Variants in ROBO2 observed in about 807,000 individuals in gnomAD.
The protein encoded by ROBO2 is roundabout guidance receptor 2.
A neutral mutation model predicts 160.8 loss-of-function variants in ROBO2; 53 were observed. The ratio of observed to expected loss-of-function variants is 0.33; its 90% CI spans 0.26 to 0.41. ROBO2 has a LOEUF of 0.41. Among genes scored for constraint, ROBO2 ranks in the 10% least tolerant of loss-of-function variants. ROBO2 has a pLI of 1.00. For missense variants in ROBO2, 1,577 were observed against 1,722.4 expected (o/e 0.92, Z 1.49); for synonymous variants, 664 against 611.7 (o/e 1.09, Z -1.26).
At chr3:76,872,825 C>T (rs890631122) in intron 2 of ROBO2, among the ~76,000 whole-genome samples, 5 of 151,742 alleles carry the variant, frequency 3.3e-5, no homozygotes, top group African/African-American at 9.7e-5. Context: ...CTTTCTTTGG[C>T]ATCTGTCCAG....
At chr3:77,288,543 C>A (rs769976987) in intron 2 of ROBO2, among the ~76,000 whole-genome samples, 4 of 152,146 alleles carry the variant, frequency 2.6e-5, no homozygotes, top group Non-Finnish European at 4.4e-5. Flanking sequence ...ATTAACATGC[C>A]TGTTGTGCTG....
intron 6 of ROBO2, among the ~76,000 whole-genome samples, chr3:77,541,990 T>A (rs1052924032): frequency 1.3e-5 from 2 of 152,124 alleles, no homozygotes; most frequent in Non-Finnish European, 2.9e-5. Context: ...AGAAAATCTA[T>A]TTTATGTATA....
At chr3:76,634,936 G>A (rs983126142) in intron 2 of ROBO2, among the ~76,000 whole-genome samples, 13 of 152,248 alleles carry the variant, frequency 8.5e-5, no homozygotes, top group South Asian at 2.1e-4. Flanking sequence ...TGTGAATTGC[G>A]CATGCAAGGG....
chr3:76,875,071 G>T (rs1164570411), intron 2 of ROBO2, among the ~76,000 whole-genome samples: 2 of 152,112 alleles, frequency 1.3e-5, no homozygotes, highest in African/African-American at 4.8e-5. Context: ...GGCCATGATG[G>T]CTCCTCCCTC....
At chr3:77,334,737 T>TAG (rs1184248783) in intron 2 of ROBO2, among the ~76,000 whole-genome samples, 1 of 54,124 alleles carries the variant, frequency 1.8e-5, no homozygotes, top group Non-Finnish European at 9.9e-5. Flanking sequence ...TCAGGAACTG[T>TAG]ATATATATAT....
Position 77,317,083 on chromosome 3 carries a change from C to T in ROBO2, c.389-160331C>T, listed in dbSNP as rs62251221. Reference sequence around the variant, plus strand: ...AGTGTGAAGCTGGAATTCATCAGTCCTGTAGCCAACTGCAAAGTTGCTCTG... The same window carrying T: ...AGTGTGAAGCTGGAATTCATCAGTCTTGTAGCCAACTGCAAAGTTGCTCTG... On this transcript the variant is annotated intron_variant, in intron 2 of 25. Transcript: ENST00000461745. 6.6e-3 allele frequency: 9,095 copies of T among 1,383,622 alleles called. 119 individuals carry two copies. Among genetic ancestry groups the T allele is most frequent in the African/African-American group, 0.042 (2,978 of 70,646 alleles). 85.7% of individuals were successfully genotyped at this position (1,383,622 alleles called of 1,614,324 possible). A position where few individuals can be genotyped will look rare whatever the true frequency, so the allele number is the denominator to read the frequency against.
In ROBO2 at chr3:77,307,596, G is replaced by A. The variant is rs532064859; in HGVS notation, c.389-169818G>A. Among the ~76,000 whole-genome samples, 3 of 152,224 alleles carry A rather than the reference G, an allele frequency of 2.0e-5. No homozygotes were observed. In the South Asian group the frequency reaches 6.2e-4, roughly 32 times the overall value. On this transcript the variant is annotated intron_variant, in intron 2 of 25. Transcript: ENST00000461745. ...TATCAGGCTTTTTGAAAAAGCAGGG[G>A]TGGGGGCAAGGTGCGGTAGCTCACA... is the stretch of plus-strand genomic sequence containing the variant.
At chr3:77,005,302 A>G (rs2061526537) in intron 2 of ROBO2, among the ~76,000 whole-genome samples, 1 of 152,132 alleles carries the variant, frequency 6.6e-6, no homozygotes, top group Non-Finnish European at 1.5e-5. Flanking sequence ...AGGTCTTTAC[A>G]TTTGTAATGA....
intron 1 of ROBO2, among the ~76,000 whole-genome samples, chr3:77,071,149 T>C (rs12489703): frequency 0.34 from 51,541 of 152,056 alleles, 9,776 homozygotes; most frequent in East Asian, 0.77. Context: ...ACAGCTACTG[T>C]TAGCAGTTTT....
At chr3:77,216,401 C>A (rs540197251) in intron 2 of ROBO2, among the ~76,000 whole-genome samples, 3 of 152,140 alleles carry the variant, frequency 2.0e-5, no homozygotes, top group Non-Finnish European at 4.4e-5. Flanking sequence ...TCTCCTGGTG[C>A]GCCGTTTACT....
chr3:76,380,296 T>A (rs754697447), intron 2 of ROBO2, among the ~76,000 whole-genome samples: 1 of 152,194 alleles, frequency 6.6e-6, no homozygotes, highest in Non-Finnish European at 1.5e-5. Flanking sequence ...TCTACAAATA[T>A]TTATTGATAA....
intron 2 of ROBO2, among the ~76,000 whole-genome samples, chr3:77,321,613 A>G (rs1035859054): frequency 3.3e-5 from 5 of 152,192 alleles, no homozygotes; most frequent in African/African-American, 9.7e-5. Flanking sequence ...TTTAAGTATT[A>G]GAATTTAAAG....
At chr3:77,587,389 G>A (rs1301115885) in intron 16 of ROBO2, among the ~76,000 whole-genome samples, 3 of 152,072 alleles carry the variant, frequency 2.0e-5, no homozygotes, top group African/African-American at 4.8e-5. Flanking sequence ...GAAGAAAGGA[G>A]AAGCAGTGAG....
intron 21 of ROBO2, among the ~76,000 whole-genome samples, chr3:77,615,912 A>C (rs1306617243): frequency 6.6e-6 from 1 of 152,228 alleles, no homozygotes. Context: ...TGTAAGAGAG[A>C]TCAAGACTAG....
At chr3:76,938,026 G>A (rs1226721940) in intron 2 of ROBO2, among the ~76,000 whole-genome samples, 1 of 152,194 alleles carries the variant, frequency 6.6e-6, no homozygotes, top group East Asian at 1.9e-4. Flanking sequence ...GGAACTCATA[G>A]GTGGGAATTA....
At chr3:76,458,490 C>T (rs1318033962) in intron 2 of ROBO2, among the ~76,000 whole-genome samples, 1 of 152,108 alleles carries the variant, frequency 6.6e-6, no homozygotes, top group Non-Finnish European at 1.5e-5. Flanking sequence ...CGAAACTTTC[C>T]CACATTTTCC....
chr3:76,620,396 G>A (rs538545040), intron 2 of ROBO2, among the ~76,000 whole-genome samples: 1 of 152,176 alleles, frequency 6.6e-6, no homozygotes, highest in Non-Finnish European at 1.5e-5. Context: ...AAAATCATTC[G>A]TAAATAAAAG....
chr3:76,630,748 T>C (rs1448893695), intron 2 of ROBO2, among the ~76,000 whole-genome samples: 2 of 152,208 alleles, frequency 1.3e-5, no homozygotes, highest in African/African-American at 4.8e-5. Flanking sequence ...ATCAATATCT[T>C]TTAAAAAATA....
At chr3:76,103,144 C>T (rs1464719112) in intron 2 of ROBO2, among the ~76,000 whole-genome samples, 2 of 152,016 alleles carry the variant, frequency 1.3e-5, no homozygotes, top group East Asian at 3.9e-4. Context: ...TGTTTAAAAG[C>T]CAAGAGAGTT....
Sources: allele counts gnomAD v4.1 joint callset (sites outside exome capture counted in the v4.1 genomes callset), GRCh38; gene constraint gnomAD v4.1.1; transcripts MANE v1.5; gene names NCBI Gene and HGNC (gene_info 2026-07-23, HGNC 2026-07-21).